The following TGFA variants were observed in gnomAD, a reference collection of about 807,000 sequenced individuals.
TGFA encodes protransforming growth factor alpha.
A neutral mutation model predicts 21.7 loss-of-function variants in TGFA; 12 were observed. The observed-to-expected ratio is 0.55, with a 90% confidence interval of 0.35 to 0.90. TGFA has a LOEUF of 0.90. TGFA is among the 40% of genes least tolerant of loss of function. The pLI is 0.01. For synonymous variants in TGFA, 79 were observed against 88.1 expected (o/e 0.90, Z 0.58); for missense variants, 178 against 210.8 (o/e 0.84, Z 0.96).
chr2:70,489,414 T>C (rs17005702), intron 2 of TGFA, among the ~76,000 whole-genome samples: 9,003 of 152,280 alleles, frequency 0.059, 324 homozygotes, highest in Middle Eastern at 0.13. Context: ...TGTTCTGGGC[T>C]GCCTGGGGAA....
chr2:70,518,185 C>T (rs1177989746), intron 1 of TGFA, among the ~76,000 whole-genome samples: 9 of 152,218 alleles, frequency 5.9e-5, no homozygotes, highest in Admixed American at 3.9e-4. Context: ...CGCAGGCCCT[C>T]GGGACAGGAA....
intron 1 of TGFA, among the ~76,000 whole-genome samples, chr2:70,524,500 G>A (rs1333905898): frequency 6.6e-6 from 1 of 152,218 alleles, no homozygotes; most frequent in Admixed American, 6.5e-5. Context: ...GGCGAGTATC[G>A]CCGAGCCCTC....
chr2:70,484,785 G>A (rs1268485421), intron 2 of TGFA, among the ~76,000 whole-genome samples: 4 of 152,186 alleles, frequency 2.6e-5, no homozygotes, highest in Non-Finnish European at 5.9e-5. Flanking sequence ...TGTTCTAAGG[G>A]TGATTCTCCA....
intron 1 of TGFA, among the ~76,000 whole-genome samples, chr2:70,534,318 GAACTAAAAGTGTTA>G (rs1429275949): frequency 6.6e-6 from 1 of 152,194 alleles, no homozygotes; most frequent in Non-Finnish European, 1.5e-5. Context: ...GGACTGTGAA[GAACTAAAAGTGTTA>G]AAGTAAAAGT....
intron 1 of TGFA, among the ~76,000 whole-genome samples, chr2:70,538,501 T>C (rs1350288892): frequency 9.9e-5 from 15 of 152,178 alleles, no homozygotes; most frequent in Admixed American, 6.5e-4. Flanking sequence ...AATATCAACA[T>C]TAATAGGAGT....
rs145009573 is a variant in TGFA, at chr2:70,466,364, G to C, written c.95-628C>G. 4.7e-3 allele frequency among the ~76,000 whole-genome samples: 717 copies of C among 152,206 alleles called. 11 individuals are homozygous for C. Among genetic ancestry groups the C allele is most frequent in the African/African-American group, 0.017 (706 of 41,542 alleles). ...CTACTAAAAATACAAAAAATTAGCC[G>C]GGCGAGGTGACGGGCGACTGTAGTC... On this transcript the variant is annotated intron_variant, in intron 2 of 5. Transcript: ENST00000295400.
Position 70,511,530 on chromosome 2 carries a change from A to C in TGFA, c.94+3329T>G, listed in dbSNP as rs1553500919. 3.3e-5 allele frequency among the ~76,000 whole-genome samples: 5 copies of C among 152,340 alleles called. No homozygotes were observed. The South Asian group carries it at 1.0e-3, about 32-fold the overall frequency. On this transcript the variant is annotated intron_variant, in intron 2 of 5. Coordinates refer to ENST00000295400, the MANE Select transcript of TGFA (RefSeq NM_003236.4). ...AACATGAAAGTAAATGCAAATTAAA[A>C]CGAAGTAGCACAAAATTAAATACAG...
At position 70,508,822 on chromosome 2, in the gene TGFA, G is replaced by A. The variant is rs782201931; in HGVS notation, c.94+6037C>T. 6.6e-5 allele frequency among the ~76,000 whole-genome samples: 10 copies of A among 152,314 alleles called. No homozygotes were observed. In the South Asian group the frequency reaches 1.5e-3, roughly 22 times the overall value. On this transcript the variant is annotated intron_variant, in intron 2 of 5. Coordinates refer to ENST00000295400, the MANE Select transcript of TGFA (RefSeq NM_003236.4). The stretch of plus-strand genomic sequence containing the variant: ...CCTTCATTTTATTGATGGCAGAACG[G>A]AGGTTCAAGAAGATTTAAGAGGTCT...
chr2:70,488,031 T>G (rs1039267316), intron 2 of TGFA, among the ~76,000 whole-genome samples: 1 of 152,372 alleles, frequency 6.6e-6, no homozygotes, highest in Admixed American at 6.5e-5. Flanking sequence ...GAATCTCTTA[T>G]GTTAACTGCA....
At chr2:70,550,652 C>G (rs896595277) in intron 1 of TGFA, among the ~76,000 whole-genome samples, 2 of 152,000 alleles carry the variant, frequency 1.3e-5, no homozygotes, top group African/African-American at 4.8e-5. Context: ...AACCCCGTCT[C>G]TACTAAAAAT....
intron 1 of TGFA, among the ~76,000 whole-genome samples, chr2:70,547,846 T>A (rs1553506208): frequency 6.8e-6 from 1 of 147,926 alleles, no homozygotes; most frequent in Non-Finnish European, 1.5e-5. Context: ...TATATAGAGA[T>A]ATATATATCT....
rs202019097 is a variant in TGFA at position 70,465,784 on chromosome 2, G to A, written c.95-48C>T. Reference sequence around the variant, plus strand: ...GCTCAGATCCAGGAACAGCTGACATGCAAACCCCACACCTCCCACCCTACC... The same window carrying A: ...GCTCAGATCCAGGAACAGCTGACATACAAACCCCACACCTCCCACCCTACC... On this transcript the variant is annotated intron_variant, in intron 2 of 5. Coordinates refer to ENST00000295400, the MANE Select transcript of TGFA (RefSeq NM_003236.4). 59 of 1,607,858 alleles carry A rather than the reference G, an allele frequency of 3.7e-5. No individual in the cohort carries two copies. The African/African-American group carries it at 6.8e-4, about 19-fold the overall frequency.
At chr2:70,526,808 T>C (rs1035627101) in intron 1 of TGFA, among the ~76,000 whole-genome samples, 2 of 152,158 alleles carry the variant, frequency 1.3e-5, no homozygotes, top group South Asian at 2.1e-4. Flanking sequence ...GCTAGGATGG[T>C]TTAGTTCTAG....
intron 3 of TGFA, among the ~76,000 whole-genome samples, chr2:70,461,873 GT>G (rs34073288): frequency 6.6e-6 from 1 of 152,180 alleles, no homozygotes; most frequent in Non-Finnish European, 1.5e-5. Flanking sequence ...TGTAAGGCTA[GT>G]TTTCACCACC....
intron 1 of TGFA, among the ~76,000 whole-genome samples, chr2:70,534,174 A>G (rs1024286190): frequency 1.5e-4 from 23 of 152,186 alleles, no homozygotes; most frequent in African/African-American, 5.6e-4. Flanking sequence ...TTTTGTTCTC[A>G]TCTGCTGTTC....
rs1670233157 is a variant in TGFA, at chr2:70,456,491, G to T, written c.216-3C>A. The stretch of plus-strand genomic sequence containing the variant: ...CACCAACGTACCCAGAATGGCAGCT[G>T]GGGAAGAAAGGAACGTCAGTGCACT... On this transcript the variant is annotated splice_polypyrimidine_tract_variant and splice_region_variant and intron_variant, in intron 3 of 5. Transcript: ENST00000295400. 6.2e-7 allele frequency: 1 copy of T among 1,602,994 alleles called. No individual in the cohort carries two copies. Among genetic ancestry groups the T allele is most frequent in the Non-Finnish European group, 8.5e-7 (1 of 1,174,844 alleles).
rs1559091082 is a variant in TGFA at position 70,447,394 on chromosome 2, T to G, written c.*3465A>C. On this transcript the variant is annotated 3_prime_UTR_variant, in exon 6 of 6. Coordinates refer to ENST00000295400, the MANE Select transcript of TGFA (RefSeq NM_003236.4). ...TTGCGTCTTATATTGCTCACTACTC[T>G]TTAAGTATAATTCAGATATTAAGGA... The G allele has an allele frequency of 6.6e-6, 1 of 152,656 alleles. No homozygotes were observed. The highest frequency in any genetic ancestry group is 2.1e-4 in the South Asian group (1 of 4,832). The allele number at this position is 152,656 out of a possible 1,614,324, so 9.5% of individuals were successfully genotyped here.
intron 1 of TGFA, among the ~76,000 whole-genome samples, chr2:70,527,765 A>G (rs1672683270): frequency 1.3e-5 from 2 of 152,210 alleles, no homozygotes; most frequent in Admixed American, 1.3e-4. Context: ...TTTTCTGTAA[A>G]TCTAAAGCTA....
chr2:70,549,339 T>C (rs1673414962), intron 1 of TGFA, among the ~76,000 whole-genome samples: 1 of 152,198 alleles, frequency 6.6e-6, no homozygotes, highest in African/African-American at 2.4e-5. Context: ...TAACATGCAA[T>C]TGGTTAAGCC....
Sources: gnomAD v4.1 joint callset for allele counts (sites outside exome capture counted in the v4.1 genomes callset) on GRCh38, gnomAD v4.1.1 for gene constraint, MANE v1.5 for transcripts, NCBI Gene and HGNC (gene_info 2026-07-23, HGNC 2026-07-21) for gene names.